The following ABTB3 variants were observed in gnomAD, a reference collection of about 807,000 sequenced individuals.
The protein encoded by ABTB3 is ankyrin repeat and BTB domain containing 3.
At chr12:107,574,995 C>T in the ABTB3 span, among the ~76,000 whole-genome samples, 1 of 152,182 alleles carries the variant, frequency 6.6e-6, no homozygotes, top group African/African-American at 2.4e-5. Context: ...GCTTTGGTGC[C>T]CACAGATGCA....
chr12:107,385,557 G>T, the ABTB3 span, among the ~76,000 whole-genome samples: 1 of 152,162 alleles, frequency 6.6e-6, no homozygotes, highest in African/African-American at 2.4e-5. Context: ...CCTTCCTGCT[G>T]GCTGGGGTGA....
the ABTB3 span, chr12:107,520,693 C>T: frequency 5.0e-5 from 79 of 1,594,514 alleles, 1 homozygote; most frequent in Middle Eastern, 1.0e-3. Flanking sequence ...TGTCTGTGCC[C>T]GAAGTGACAC....
At chr12:107,611,475 C>T in the ABTB3 span, among the ~76,000 whole-genome samples, 2 of 152,132 alleles carry the variant, frequency 1.3e-5, no homozygotes, top group South Asian at 2.1e-4. Flanking sequence ...GCCACTGGGC[C>T]CAGTGTCTTT....
At chr12:107,445,993 A>C in the ABTB3 span, among the ~76,000 whole-genome samples, 2 of 150,852 alleles carry the variant, frequency 1.3e-5, no homozygotes, top group African/African-American at 2.4e-5. Context: ...TAGATAATCC[A>C]GAATAATCTC....
the ABTB3 span, chr12:107,634,795 A>G: frequency 6.6e-6 from 1 of 152,218 alleles, no homozygotes; most frequent in African/African-American, 2.4e-5. Flanking sequence ...GAAATGCCTC[A>G]GCACCAGAAT....
At chr12:107,428,509 C>T in the ABTB3 span, among the ~76,000 whole-genome samples, 1 of 152,192 alleles carries the variant, frequency 6.6e-6, no homozygotes, top group Admixed American at 6.5e-5. Flanking sequence ...TCCCAGCATC[C>T]GCACCCTCAC....
At chr12:107,405,783 T>C in the ABTB3 span, among the ~76,000 whole-genome samples, 1 of 152,208 alleles carries the variant, frequency 6.6e-6, no homozygotes, top group African/African-American at 2.4e-5. Flanking sequence ...CCTCTTCTCT[T>C]TCCTGTCCTC....
the ABTB3 span, among the ~76,000 whole-genome samples, chr12:107,386,084 A>T: frequency 6.6e-6 from 1 of 152,180 alleles, no homozygotes; most frequent in African/African-American, 2.4e-5. Context: ...CCTTATTTTC[A>T]TCCTTCACAG....
the ABTB3 span, among the ~76,000 whole-genome samples, chr12:107,365,037 T>C: frequency 6.6e-6 from 1 of 152,028 alleles, no homozygotes; most frequent in Non-Finnish European, 1.5e-5. Context: ...ATTCGCAGTG[T>C]TTGAGAATAT....
the ABTB3 span, among the ~76,000 whole-genome samples, chr12:107,426,380 C>T: frequency 1.4e-4 from 22 of 152,258 alleles, no homozygotes; most frequent in Admixed American, 2.0e-4. Flanking sequence ...TCTGCATCCC[C>T]GATGGGACAC....
At chr12:107,408,115 C>T in the ABTB3 span, among the ~76,000 whole-genome samples, 3 of 152,024 alleles carry the variant, frequency 2.0e-5, no homozygotes, top group Non-Finnish European at 4.4e-5. Context: ...AATAAAACCC[C>T]AAGCAGATGC....
At chr12:107,355,026 A>G in the ABTB3 span, among the ~76,000 whole-genome samples, 1 of 152,158 alleles carries the variant, frequency 6.6e-6, no homozygotes, top group Non-Finnish European at 1.5e-5. Context: ...CATTGCATGC[A>G]TGTGCTACCC....
the ABTB3 span, among the ~76,000 whole-genome samples, chr12:107,487,709 C>G: frequency 1.3e-5 from 2 of 152,186 alleles, no homozygotes; most frequent in Non-Finnish European, 2.9e-5. Context: ...CGACAAAGAC[C>G]CCAACTATAT....
the ABTB3 span, among the ~76,000 whole-genome samples, chr12:107,326,831 A>G: frequency 6.6e-6 from 1 of 152,244 alleles, no homozygotes; most frequent in Admixed American, 6.5e-5. Flanking sequence ...CACAGCAGTC[A>G]CTGGTCCTCA....
At chr12:107,383,968 G>A in the ABTB3 span, among the ~76,000 whole-genome samples, 3 of 152,178 alleles carry the variant, frequency 2.0e-5, no homozygotes, top group Non-Finnish European at 4.4e-5. Context: ...ATGGCTCCAA[G>A]CGCCCAGGTG....
chr12:107,547,975 T>C, the ABTB3 span, among the ~76,000 whole-genome samples: 1 of 152,230 alleles, frequency 6.6e-6, no homozygotes, highest in African/African-American at 2.4e-5. Flanking sequence ...CTGTGATTCT[T>C]TCTAGAGGGA....
At chr12:107,581,328 G>A in the ABTB3 span, 4 of 1,308,714 alleles carry the variant, frequency 3.1e-6, no homozygotes, top group Admixed American at 4.2e-5. Context: ...CGGGCGGGGG[G>A]CGGCAGGGGA....
At chr12:107,594,496 C>T in the ABTB3 span, among the ~76,000 whole-genome samples, 1 of 152,112 alleles carries the variant, frequency 6.6e-6, no homozygotes, top group South Asian at 2.1e-4. Context: ...GGAACTTTTG[C>T]AAGTGTTACA....
chr12:107,525,501 T>C, the ABTB3 span, among the ~76,000 whole-genome samples: 1 of 152,196 alleles, frequency 6.6e-6, no homozygotes, highest in African/African-American at 2.4e-5. Flanking sequence ...TGTACAGGTT[T>C]GTAGGCTGAG....
Sources: gnomAD v4.1 joint callset for allele counts (sites outside exome capture counted in the v4.1 genomes callset) on GRCh38, gnomAD v4.1.1 for gene constraint, MANE v1.5 for transcripts, NCBI Gene and HGNC (gene_info 2026-07-23, HGNC 2026-07-21) for gene names.